CDKAL1: variants seen among roughly 807,000 people sequenced by gnomAD.
CDKAL1 encodes the protein CDKAL1 threonylcarbamoyladenosine tRNA methylthiotransferase.
CDKAL1 carries 32 observed loss-of-function variants against 68.2 expected under a neutral mutation model. The ratio of observed to expected loss-of-function variants is 0.47; its 90% CI spans 0.35 to 0.63. CDKAL1 has a LOEUF of 0.63. Among genes scored for constraint, CDKAL1 ranks in the 30% least tolerant of loss-of-function variants. CDKAL1 has a pLI of 0.00. For synonymous variants in CDKAL1, 234 were observed against 244.3 expected (o/e 0.96, Z 0.39); for missense variants, 606 against 696.7 (o/e 0.87, Z 1.47).
intron 9 of CDKAL1, among the ~76,000 whole-genome samples, chr6:20,943,343 AAGAAAAAG>A (rs1391084301): frequency 1.4e-5 from 1 of 73,172 alleles, no homozygotes; most frequent in South Asian, 4.9e-4. Flanking sequence ...AAAAAAAAAA[AAGAAAAAG>A]AAAAAAAGAA....
At chr6:20,909,670 G>A (rs1328933795) in intron 9 of CDKAL1, among the ~76,000 whole-genome samples, 2 of 152,158 alleles carry the variant, frequency 1.3e-5, no homozygotes, top group East Asian at 1.9e-4. Context: ...CCACAAACTA[G>A]GCACAGTTCT....
At chr6:21,189,617 C>T (rs1048427103) in intron 13 of CDKAL1, among the ~76,000 whole-genome samples, 3 of 152,186 alleles carry the variant, frequency 2.0e-5, no homozygotes, top group Admixed American at 2.0e-4. Flanking sequence ...TGATGGCTAG[C>T]ATTTTGAATA....
At chr6:21,217,483 T>TTTTA in intron 15 of CDKAL1, among the ~76,000 whole-genome samples, 1 of 140,762 alleles carries the variant, frequency 7.1e-6, no homozygotes, top group Non-Finnish European at 1.5e-5. Context: ...TATTTTTTAT[T>TTTTA]TTTATTTATT....
chr6:20,957,008 T>TA (rs70990087), intron 10 of CDKAL1, among the ~76,000 whole-genome samples: 65,209 of 113,610 alleles, frequency 0.57, 19,295 homozygotes, highest in South Asian at 0.73. Context: ...TGATTCTCTG[T>TA]AAAAAAAAAA....
chr6:20,738,516 T>C (rs1357082732), intron 5 of CDKAL1, among the ~76,000 whole-genome samples: 1 of 138,002 alleles, frequency 7.2e-6, no homozygotes, highest in Non-Finnish European at 1.5e-5. Flanking sequence ...TGATACACAG[T>C]CTTGCTCTGT....
chr6:20,587,619 G>C (rs1235184831), intron 4 of CDKAL1, among the ~76,000 whole-genome samples: 1 of 152,018 alleles, frequency 6.6e-6, no homozygotes, highest in Non-Finnish European at 1.5e-5. Flanking sequence ...TGTAGTCCCA[G>C]CTACTCTGGA....
At chr6:21,111,849 T>A (rs147836872) in intron 13 of CDKAL1, among the ~76,000 whole-genome samples, 85 of 152,324 alleles carry the variant, frequency 5.6e-4, no homozygotes, top group African/African-American at 1.8e-3. Flanking sequence ...AAAAGTTAAC[T>A]CCCATTTATC....
intron 12 of CDKAL1, among the ~76,000 whole-genome samples, chr6:21,078,904 G>T (rs192407532): frequency 6.6e-6 from 1 of 152,250 alleles, no homozygotes; most frequent in East Asian, 1.9e-4. Flanking sequence ...AAATGTGGGG[G>T]CTAATCTTTC....
intron 15 of CDKAL1, among the ~76,000 whole-genome samples, chr6:21,227,644 G>T (rs1779800011): frequency 6.6e-6 from 1 of 152,246 alleles, no homozygotes; most frequent in South Asian, 2.1e-4. Context: ...AGGATGCAGG[G>T]TGCAGACTTG....
chr6:20,708,563 T>G (rs1051166045), intron 5 of CDKAL1, among the ~76,000 whole-genome samples: 10 of 152,198 alleles, frequency 6.6e-5, no homozygotes, highest in African/African-American at 2.4e-4. Context: ...TCTTTTCTTT[T>G]GGTTTGAAGT....
intron 9 of CDKAL1, among the ~76,000 whole-genome samples, chr6:20,938,901 G>A (rs564074727): frequency 4.0e-5 from 6 of 151,740 alleles, no homozygotes; most frequent in Non-Finnish European, 5.9e-5. Flanking sequence ...TCTTTTCTTT[G>A]TAAGCAAATC....
At chr6:20,705,313 A>G (rs1388144837) in intron 5 of CDKAL1, among the ~76,000 whole-genome samples, 1 of 152,196 alleles carries the variant, frequency 6.6e-6, no homozygotes, top group African/African-American at 2.4e-5. Flanking sequence ...GTTTAATATT[A>G]CTGAGCACAA....
intron 11 of CDKAL1, among the ~76,000 whole-genome samples, chr6:21,000,788 C>T (rs1444333825): frequency 6.6e-6 from 1 of 152,168 alleles, no homozygotes; most frequent in Non-Finnish European, 1.5e-5. Context: ...TACTAAACAG[C>T]ATTTTTTAAA....
At chr6:20,639,994 T>C (rs1768094433) in intron 4 of CDKAL1, among the ~76,000 whole-genome samples, 1 of 152,244 alleles carries the variant, frequency 6.6e-6, no homozygotes, top group Non-Finnish European at 1.5e-5. Flanking sequence ...AGAAGTTATT[T>C]TTCAAGTTGT....
chr6:20,805,933 G>A (rs1776553851), intron 8 of CDKAL1, among the ~76,000 whole-genome samples: 1 of 152,140 alleles, frequency 6.6e-6, no homozygotes, highest in African/African-American at 2.4e-5. Flanking sequence ...GGGAGATACA[G>A]CAATATTTAA....
chr6:20,549,014 G>C (rs536593700), intron 4 of CDKAL1, among the ~76,000 whole-genome samples: 1 of 152,252 alleles, frequency 6.6e-6, no homozygotes, highest in Non-Finnish European at 1.5e-5. Flanking sequence ...TAACATTAGT[G>C]CATTTCTGTT....
chr6:21,173,169 T>C (rs1483530690), intron 13 of CDKAL1, among the ~76,000 whole-genome samples: 1 of 151,976 alleles, frequency 6.6e-6, no homozygotes, highest in Non-Finnish European at 1.5e-5. Flanking sequence ...CCAAAAATAC[T>C]CTTGGATGAG....
chr6:21,162,547 T>G (rs1462029922), intron 13 of CDKAL1, among the ~76,000 whole-genome samples: 2 of 152,130 alleles, frequency 1.3e-5, no homozygotes, highest in Non-Finnish European at 2.9e-5. Context: ...GAATTGAAAG[T>G]AAAAACAAAA....
intron 6 of CDKAL1, among the ~76,000 whole-genome samples, chr6:20,757,081 C>T (rs1272413852): frequency 6.6e-6 from 1 of 151,850 alleles, no homozygotes; most frequent in African/African-American, 2.4e-5. Flanking sequence ...CTAAGGCATG[C>T]ACCACTACAC....
Sources: gnomAD v4.1 joint callset for allele counts (sites outside exome capture counted in the v4.1 genomes callset) on GRCh38, gnomAD v4.1.1 for gene constraint, MANE v1.5 for transcripts, NCBI Gene and HGNC (gene_info 2026-07-23, HGNC 2026-07-21) for gene names.